Variants in SYT1 observed in about 807,000 individuals in gnomAD.
SYT1 encodes synaptotagmin-1.
Under a neutral mutation model 44.8 loss-of-function variants are expected in SYT1, and 8 were observed. The ratio of observed to expected loss-of-function variants is 0.18; its 90% CI spans 0.10 to 0.32. The LOEUF is 0.32. Among genes scored for constraint, SYT1 ranks in the 10% least tolerant of loss-of-function variants. The pLI is 1.00. For synonymous variants in SYT1, 154 were observed against 188.8 expected (o/e 0.82, Z 1.51); for missense variants, 286 against 509.3 (o/e 0.56, Z 4.22).
intron 1 of SYT1, among the ~76,000 whole-genome samples, chr12:78,924,318 T>C (rs1215710162): frequency 6.6e-6 from 1 of 151,914 alleles, no homozygotes; most frequent in African/African-American, 2.4e-5. Flanking sequence ...GTTATTACTT[T>C]TTCCCTCTGT....
At chr12:78,984,803 T>G (rs1387602885) in intron 2 of SYT1, among the ~76,000 whole-genome samples, 1 of 151,920 alleles carries the variant, frequency 6.6e-6, no homozygotes, top group East Asian at 1.9e-4. Context: ...GGTATTTAAA[T>G]AGAAACATAA....
intron 8 of SYT1, among the ~76,000 whole-genome samples, chr12:79,325,126 T>C (rs1315267942): frequency 6.6e-6 from 1 of 152,184 alleles, no homozygotes; most frequent in Non-Finnish European, 1.5e-5. Flanking sequence ...CCGATTCCTA[T>C]TCAAGTATCT....
chr12:79,307,992 A>G (rs559820317), intron 8 of SYT1, among the ~76,000 whole-genome samples: 1 of 152,336 alleles, frequency 6.6e-6, no homozygotes, highest in African/African-American at 2.4e-5. Context: ...GGTGAACCTC[A>G]TGGGCTGAGA....
chr12:79,007,638 A>C (rs1871176626), intron 2 of SYT1, among the ~76,000 whole-genome samples: 1 of 152,168 alleles, frequency 6.6e-6, no homozygotes. Flanking sequence ...TTAATTTGGG[A>C]ATGGAGGACA....
intron 10 of SYT1, among the ~76,000 whole-genome samples, chr12:79,444,865 C>G (rs1024069003): frequency 6.6e-6 from 1 of 152,058 alleles, no homozygotes. Context: ...GCAATCTTAT[C>G]ATTTAGGGGT....
At chr12:79,245,069 C>A (rs907919721) in intron 4 of SYT1, among the ~76,000 whole-genome samples, 2 of 152,076 alleles carry the variant, frequency 1.3e-5, no homozygotes, top group Non-Finnish European at 2.9e-5. Flanking sequence ...AATTGCCATA[C>A]CTCTGTGTAG....
intron 1 of SYT1, among the ~76,000 whole-genome samples, chr12:78,913,113 T>C (rs1439203100): frequency 6.6e-6 from 1 of 151,878 alleles, no homozygotes; most frequent in Non-Finnish European, 1.5e-5. Context: ...TTAAAATTCT[T>C]ATGAAGAAGG....
At chr12:78,964,902 TGTG>T (rs1465519423) in intron 1 of SYT1, among the ~76,000 whole-genome samples, 1 of 152,072 alleles carries the variant, frequency 6.6e-6, no homozygotes, top group Non-Finnish European at 1.5e-5. Flanking sequence ...ACAAGGTTGT[TGTG>T]GTCAAATAAA....
rs370105161 is a variant in SYT1 at position 79,183,286 on chromosome 12, T to A, written c.-17-34217T>A. On this transcript the variant is annotated intron_variant, in intron 3 of 10. Transcript: ENST00000261205. ...GTGGTGCTGCATAGGATGTACCAGC[T>A]TTTAGTGAACACAGTAAGTTGCGCA... 3.6e-4 allele frequency among the ~76,000 whole-genome samples: 54 copies of A among 152,066 alleles called. No homozygotes were observed. In the South Asian group the frequency reaches 0.011, roughly 30 times the overall value.
At chr12:79,059,777 T>C (rs541258744) in intron 3 of SYT1, among the ~76,000 whole-genome samples, 3 of 152,226 alleles carry the variant, frequency 2.0e-5, no homozygotes, top group South Asian at 4.1e-4. Flanking sequence ...TCAGGGCTTA[T>C]GGAAACAGTG....
At chr12:78,942,215 T>C (rs1448775883) in intron 1 of SYT1, among the ~76,000 whole-genome samples, 2 of 152,236 alleles carry the variant, frequency 1.3e-5, no homozygotes, top group Non-Finnish European at 2.9e-5. Flanking sequence ...TCCTTTAAAA[T>C]TATTCATTGA....
intron 1 of SYT1, among the ~76,000 whole-genome samples, chr12:78,943,074 A>T (rs548806703): frequency 2.6e-5 from 4 of 152,316 alleles, no homozygotes; most frequent in Admixed American, 2.0e-4. Flanking sequence ...TAAGAAGAAG[A>T]TATTTACTAC....
At chr12:78,921,993 T>TA (rs3065426) in intron 1 of SYT1, among the ~76,000 whole-genome samples, 31 of 148,888 alleles carry the variant, frequency 2.1e-4, no homozygotes, top group South Asian at 4.2e-4. Context: ...CTTTAAAGAA[T>TA]AAAAAAAAAA....
intron 9 of SYT1, among the ~76,000 whole-genome samples, chr12:79,408,639 G>A (rs1188084888): frequency 1.3e-5 from 2 of 151,842 alleles, no homozygotes; most frequent in African/African-American, 2.4e-5. Context: ...AATACAAGAA[G>A]GACATTTTGG....
At chr12:79,169,837 TCTC>T (rs935381490) in intron 3 of SYT1, among the ~76,000 whole-genome samples, 16 of 152,030 alleles carry the variant, frequency 1.1e-4, no homozygotes, top group African/African-American at 3.9e-4. Context: ...TTCCTGATCC[TCTC>T]CCTCCTTCAC....
At chr12:79,427,653 C>G (rs887304050) in intron 9 of SYT1, among the ~76,000 whole-genome samples, 32 of 152,026 alleles carry the variant, frequency 2.1e-4, no homozygotes, top group African/African-American at 7.7e-4. Context: ...AAAGGAGTTT[C>G]CGTGAATAAA....
chr12:78,984,723 A>G (rs1869520729), intron 2 of SYT1, among the ~76,000 whole-genome samples: 1 of 152,138 alleles, frequency 6.6e-6, no homozygotes. Context: ...AGAAAATTAG[A>G]TGGAGTTTTT....
At chr12:79,105,124 T>C (rs1207540710) in intron 3 of SYT1, among the ~76,000 whole-genome samples, 1 of 152,194 alleles carries the variant, frequency 6.6e-6, no homozygotes, top group Non-Finnish European at 1.5e-5. Flanking sequence ...TGAACATAGG[T>C]GGCTATTGGG....
In SYT1 at chr12:78,879,028, A is replaced by G. The variant is rs545930465; in HGVS notation, c.-217+13919A>G. Among the ~76,000 whole-genome samples the G allele has an allele frequency of 6.6e-5, 10 of 151,838 alleles. No individual in the cohort carries two copies. The East Asian group carries it at 1.8e-3, about 27-fold the overall frequency. ...ATAAAATTTCTGCTCACAGTCCATT[A>G]GCCAGACCCAGTCACGTGGCTCCTA... On this transcript the variant is annotated intron_variant, in intron 1 of 10. Coordinates refer to ENST00000261205, the MANE Select transcript of SYT1 (RefSeq NM_005639.3).
Sources: allele counts gnomAD v4.1 joint callset (sites outside exome capture counted in the v4.1 genomes callset), GRCh38; gene constraint gnomAD v4.1.1; transcripts MANE v1.5; gene names NCBI Gene and HGNC (gene_info 2026-07-23, HGNC 2026-07-21).